Variants in PTCD1 observed in about 807,000 individuals in gnomAD.
PTCD1 encodes the protein pentatricopeptide repeat domain 1, also known as pentatricopeptide repeat-containing protein 1, mitochondrial.
In PTCD1, 50 loss-of-function variants were observed where a neutral mutation model predicts 53.4. That is an observed-to-expected ratio of 0.94 (90% confidence interval 0.75 to 1.19). The LOEUF (loss-of-function observed/expected upper bound fraction) is 1.19, where lower values mean the gene tolerates loss of function less well. Among genes scored for constraint, PTCD1 ranks in the 50% most tolerant of loss-of-function variants. PTCD1 has a pLI of 0.00. For synonymous variants in PTCD1, 413 were observed against 394.8 expected (o/e 1.05, Z -0.55); for missense variants, 918 against 904.8 (o/e 1.01, Z -0.19).
chr7:99,425,727 A>G, intron 5 of PTCD1, 111 bp from the exon 6 acceptor site: 1 of 1,401,244 alleles, frequency 7.1e-7, no homozygotes, highest in Non-Finnish European at 9.8e-7. Flanking sequence ...GGATCCCTTG[A>G]GATCAGGAGT....
intron 5 of PTCD1, among the ~76,000 whole-genome samples, chr7:99,428,303 T>C (rs1796130819): frequency 6.8e-6 from 1 of 147,048 alleles, no homozygotes; most frequent in Non-Finnish European, 1.5e-5. Context: ...CTCAGGAGGC[T>C]GAGACGGGAG....
intron 5 of PTCD1, among the ~76,000 whole-genome samples, chr7:99,427,963 A>G (rs954085930): frequency 4.6e-5 from 7 of 150,872 alleles, no homozygotes; most frequent in African/African-American, 1.7e-4. Context: ...GGGCACAAAC[A>G]CTGCAGAAGG....
chr7:99,438,609 A>C (rs577756259), intron 1 of PTCD1, 83 bp downstream of exon 1: 3 of 1,158,054 alleles, frequency 2.6e-6, no homozygotes, highest in Admixed American at 9.8e-5. Flanking sequence ...CCCGGCTCCA[A>C]TCCCGGCTCG....
At position 99,435,252 on chromosome 7, in the gene PTCD1, T is replaced by C. The variant is rs769541730; in HGVS notation, c.-10A>G. The C allele has an allele frequency of 1.2e-6, 2 of 1,600,984 alleles. No homozygotes were observed. Among genetic ancestry groups the C allele is most frequent in the African/African-American group, 2.7e-5 (2 of 75,064 alleles). ...GTCTCACGAAGTCCATTTCTGGCTT[T>C]CCTGTCCCTCCAGGGCCTGGAATAT... On this transcript the variant is annotated 5_prime_UTR_variant, in exon 2 of 8. Coordinates refer to ENST00000292478, the MANE Select transcript of PTCD1 (RefSeq NM_015545.4).
At position 99,434,901 on chromosome 7, in the gene PTCD1, A is replaced by G; in HGVS notation, c.342T>C (p.Phe114=). The G allele has an allele frequency of 6.2e-7, 1 of 1,614,210 alleles. No individual in the cohort carries two copies. The highest frequency in any genetic ancestry group is 8.5e-7 in the Non-Finnish European group (1 of 1,180,032). Residue 114 remains phenylalanine (F), a synonymous_variant, in exon 2 of 8, where the codon TTT becomes TTC. Coordinates refer to ENST00000292478, the MANE Select transcript of PTCD1 (RefSeq NM_015545.4). ...KSAAQFHNLR[F]GERRDEQMEP... ...CCATTTGCTCATCTCTCCGTTCCCC[A>G]AACCGCAGGTTATGGAACTGGGCTG...
Position 99,438,796 on chromosome 7 carries a change from T to C in PTCD1, c.-131A>G. On this transcript the variant is annotated 5_prime_UTR_variant, in exon 1 of 8. Transcript: ENST00000292478. Reference sequence around the variant, plus strand: ...CCTCTCCCCAAGCGCGCAGGCGCAATCCGCGTCGCCGACTCACGCGGCTGG... The same window carrying C: ...CCTCTCCCCAAGCGCGCAGGCGCAACCCGCGTCGCCGACTCACGCGGCTGG... The C allele has an allele frequency of 7.2e-7, 1 of 1,393,374 alleles. No homozygotes were observed. The highest frequency in any genetic ancestry group is 9.5e-7 in the Non-Finnish European group (1 of 1,057,484). The allele number at this position is 1,393,374 out of a possible 1,614,324, so 86.3% of individuals were successfully genotyped here.
At position 99,438,716 on chromosome 7, in the gene PTCD1, C is replaced by T; in HGVS notation, c.-51G>A. ...CTTGAAGTGTCCGGCGCAGTGCACT[C>T]CGACGGGGAGCCCTGCCCGGTCCCC... On this transcript the variant is annotated 5_prime_UTR_variant, in exon 1 of 8. Transcript: ENST00000292478. 1 of 1,296,160 alleles carries T rather than the reference C, an allele frequency of 7.7e-7. No homozygotes were observed. Among genetic ancestry groups the T allele is most frequent in the Non-Finnish European group, 1.0e-6 (1 of 996,596 alleles). The allele number at this position is 1,296,160 out of a possible 1,614,324, so 80.3% of individuals were successfully genotyped here.
At chr7:99,432,895 A>G in intron 3 of PTCD1, 2 of 331,460 alleles carry the variant, frequency 6.0e-6, no homozygotes, top group Non-Finnish European at 1.2e-5. Context: ...CAAAAAACTT[A>G]AAAATTAGCC....
In PTCD1 at chr7:99,435,105, G is replaced by A; in HGVS notation, c.138C>T (p.Phe46=). ...GGGGCAGCTGAGAGGAGGAGCTGCTGAAGGGCGCCCACATTGGCCGCATCA... is the reference window on the plus strand; with the variant it reads ...GGGGCAGCTGAGAGGAGGAGCTGCTAAAGGGCGCCCACATTGGCCGCATCA... ...EGLMRPMWAP[F]SSSSSQLPLG... The change falls in exon 2 of 8, where the codon TTC becomes TTT. Residue 46 remains phenylalanine (F), a synonymous_variant. Coordinates refer to ENST00000292478, the MANE Select transcript of PTCD1 (RefSeq NM_015545.4). 1 of 1,606,500 alleles carries A rather than the reference G, an allele frequency of 6.2e-7. No individual in the cohort carries two copies. Among genetic ancestry groups the A allele is most frequent in the Admixed American group, 1.7e-5 (1 of 59,900 alleles).
rs1306016892 is a variant in PTCD1, at chr7:99,423,849, TCTG to T, written c.1843_1845del (p.Gln615del). On this transcript the variant is annotated inframe_deletion, in exon 7 of 8. Transcript: ENST00000292478. The stretch of plus-strand genomic sequence containing the variant: ...ACCACTTCGTTCACCGGGACCCTGT[TCTG>T]CTTCATGTCCTTCAAGATGCTGATG... 6.2e-7 allele frequency: 1 copy of T among 1,614,188 alleles called. No homozygotes were observed. Among genetic ancestry groups the T allele is most frequent in the Non-Finnish European group, 8.5e-7 (1 of 1,180,036 alleles).
At chr7:99,436,310 T>A (rs1796463826) in intron 1 of PTCD1, among the ~76,000 whole-genome samples, 1 of 152,030 alleles carries the variant, frequency 6.6e-6, no homozygotes, top group African/African-American at 2.4e-5. Flanking sequence ...TGATGGCAGA[T>A]TGAACAGATT....
In PTCD1 at chr7:99,425,600, A is replaced by T; in HGVS notation, c.932T>A (p.Leu311Gln). 1 of 1,606,404 alleles carries T rather than the reference A, an allele frequency of 6.2e-7. No homozygotes were observed. Among genetic ancestry groups the T allele is most frequent in the Non-Finnish European group, 8.5e-7 (1 of 1,177,870 alleles). ...RYALQVWRLM[L>Q]SLGLQPSRDS... ...CCGGCTCGGCTGTAGCCCTAGACTC[A>T]GCATCAGCCGCCACACCTGCCACGG... Residue 311 changes from leucine (L) to glutamine (Q), a missense_variant, in exon 6 of 8, where the codon CTG becomes CAG. By Grantham distance (113) the Leu-to-Gln change is moderately radical. Coordinates refer to ENST00000292478, the MANE Select transcript of PTCD1 (RefSeq NM_015545.4).
intron 5 of PTCD1, among the ~76,000 whole-genome samples, chr7:99,426,944 C>T (rs1162524383): frequency 3.3e-5 from 5 of 151,798 alleles, no homozygotes; most frequent in East Asian, 2.0e-4. Flanking sequence ...GCCTGGCAAC[C>T]GCCCCATCTG....
chr7:99,419,156 T>A lies in PTCD1; in HGVS notation c.*811A>T. On this transcript the variant is annotated 3_prime_UTR_variant, in exon 8 of 8. Coordinates refer to ENST00000292478, the MANE Select transcript of PTCD1 (RefSeq NM_015545.4). ...CTTGATTGGCAAACGTGTGTTGGAT[T>A]TGCAGAACATATTATAAATAGACAT... The A allele has an allele frequency of 1.8e-6, 1 of 567,864 alleles. No individual in the cohort carries two copies. The allele number at this position is 567,864 out of a possible 1,614,324, so 35.2% of individuals were successfully genotyped here.
Position 99,424,776 on chromosome 7 carries a change from C to T in PTCD1, c.1737+19G>A. The T allele has an allele frequency of 1.2e-6, 2 of 1,613,758 alleles. No homozygotes were observed. Among genetic ancestry groups the T allele is most frequent in the East Asian group, 2.2e-5 (1 of 44,868 alleles). On this transcript the variant is annotated intron_variant, in intron 6 of 7. Coordinates refer to ENST00000292478, the MANE Select transcript of PTCD1 (RefSeq NM_015545.4). ...TCCTGAGCACCATGGGTGTCCTGCC[C>T]AGGCCCGAGTCCACTCACCTTCATG...
At chr7:99,427,482 G>A (rs1399506308) in intron 5 of PTCD1, among the ~76,000 whole-genome samples, 52 of 144,974 alleles carry the variant, frequency 3.6e-4, no homozygotes, top group Non-Finnish European at 7.5e-4. Flanking sequence ...AGGGAGGTGG[G>A]GGGGGTCAGC....
rs1376594180 is a variant in PTCD1, at chr7:99,424,836, G to A, written c.1696C>T (p.His566Tyr). 6.2e-7 allele frequency: 1 copy of A among 1,614,262 alleles called. No homozygotes were observed. The highest frequency in any genetic ancestry group is 1.1e-5 in the South Asian group (1 of 91,084). ...AGCTGTAGACCGTCCTTCGGCCTGTGGCACCCGATGGCCAGGTTGCAGAAT... is the reference window on the plus strand; with the variant it reads ...AGCTGTAGACCGTCCTTCGGCCTGTAGCACCCGATGGCCAGGTTGCAGAAT... ...QTFCNLAIGC[H>Y]RPKDGLQLLT... The change falls in exon 6 of 8, where the codon CAC becomes TAC. Residue 566 changes from histidine (H) to tyrosine (Y), a missense_variant. Physicochemically the swap from His to Tyr is moderately conservative, Grantham distance 83. Coordinates refer to ENST00000292478, the MANE Select transcript of PTCD1 (RefSeq NM_015545.4).
chr7:99,435,290 A>G, intron 1 of PTCD1, 22 bp from the exon 2 acceptor site: 1 of 1,599,454 alleles, frequency 6.3e-7, no homozygotes, highest in Non-Finnish European at 8.5e-7. Context: ...CAGGAAAAAT[A>G]AGAGAGTCAA....
In PTCD1 at chr7:99,425,159, A is replaced by G; in HGVS notation, c.1373T>C (p.Val458Ala). 4 of 1,613,966 alleles carry G rather than the reference A, an allele frequency of 2.5e-6. No homozygotes were observed. The highest frequency in any genetic ancestry group is 3.4e-6 in the Non-Finnish European group (4 of 1,179,940). The change falls in exon 6 of 8, where the codon GTG (valine) becomes GCG (alanine). Residue 458 changes from valine (V) to alanine (A), a missense_variant. Val to Ala is a moderately conservative substitution (Grantham distance 64, BLOSUM62 0). Coordinates refer to ENST00000292478, the MANE Select transcript of PTCD1 (RefSeq NM_015545.4). ...GGCCAGCCGGTCAGCTGGGGTGGTC[A>G]CCGTTCCAAAGGAGACCACTGTAGG... The part of the protein sequence containing the change: ...VPPTVVSFGT[V>A]TTPADRLALI...
Sources: gnomAD v4.1 joint callset for allele counts (sites outside exome capture counted in the v4.1 genomes callset) on GRCh38, gnomAD v4.1.1 for gene constraint, MANE v1.5 for transcripts, NCBI Gene and HGNC (gene_info 2026-07-23, HGNC 2026-07-21) for gene names.